The following ASMTL variants were observed in gnomAD, a reference collection of about 807,000 sequenced individuals.
ASMTL encodes probable bifunctional dTTP/UTP pyrophosphatase/methyltransferase protein.
Under a neutral mutation model 60.3 loss-of-function variants are expected in ASMTL, and 57 were observed. The ratio of observed to expected loss-of-function variants is 0.95; its 90% confidence interval spans 0.76 to 1.18. ASMTL has a LOEUF of 1.18. Ranked by LOEUF, ASMTL falls within the 50% of genes most tolerant of loss-of-function variation. The pLI, the probability that ASMTL is intolerant of heterozygous loss-of-function variation, is 0.00. For synonymous variants in ASMTL, 419 were observed against 373.0 expected (o/e 1.12, Z -1.42); for missense variants, 981 against 852.6 (o/e 1.15, Z -1.88).
intron 1 of ASMTL, among the ~76,000 whole-genome samples, chrX:1,445,825 T>C (rs2091218905): frequency 6.6e-6 from 1 of 152,142 alleles, no homozygotes; most frequent in Admixed American, 6.6e-5. Context: ...AGCCAGGCCA[T>C]ACAGAGATAG....
At chrX:1,451,563 A>T (rs1317261356) in intron 1 of ASMTL, among the ~76,000 whole-genome samples, 4 of 119,396 alleles carry the variant, frequency 3.4e-5, no homozygotes, top group Non-Finnish European at 6.9e-5. Context: ...TCCCATCCCC[A>T]TTCCTAGGGG....
intron 11 of ASMTL, among the ~76,000 whole-genome samples, chrX:1,417,539 G>GCACA (rs1569532293): frequency 1.2e-5 from 1 of 86,894 alleles, no homozygotes; most frequent in African/African-American, 3.8e-5. Flanking sequence ...ACACACACAT[G>GCACA]CACACAGACA....
intron 12 of ASMTL, among the ~76,000 whole-genome samples, chrX:1,404,811 T>C (rs1426891606): frequency 5.3e-5 from 8 of 151,522 alleles, no homozygotes; most frequent in Non-Finnish European, 1.0e-4. Flanking sequence ...ATGAGATGGA[T>C]GGATGGGTGA....
chrX:1,421,815 A>G lies in ASMTL; in HGVS notation c.1088T>C (p.Val363Ala). The change falls in exon 9 of 13, where the codon GTC becomes GCC. Residue 363 changes from valine to alanine, a missense_variant. Coordinates refer to ENST00000381317, the MANE Select transcript of ASMTL (RefSeq NM_004192.4). ...GTATTCGCCATCCGATGCCAGGTAG[A>G]CGTTCGCTGTCTCTGTGTTACTGTA... ...QGYSNTETAN[V>A]YLASDGEYSL... 1 of 1,613,808 alleles carries G rather than the reference A, an allele frequency of 6.2e-7. No homozygotes were observed. The highest frequency in any genetic ancestry group is 1.1e-5 in the South Asian group (1 of 91,068).
At chrX:1,431,661 G>A (rs746323108) in intron 6 of ASMTL, among the ~76,000 whole-genome samples, 1 of 144,798 alleles carries the variant, frequency 6.9e-6, no homozygotes, top group African/African-American at 2.5e-5. Context: ...GTATAATGTA[G>A]ATTATATATA....
intron 6 of ASMTL, among the ~76,000 whole-genome samples, chrX:1,430,174 C>A (rs1339263379): frequency 1.3e-5 from 2 of 151,994 alleles, no homozygotes; most frequent in African/African-American, 4.8e-5. Context: ...GCCACCACAC[C>A]GGGCTAATTT....
chrX:1,420,025 C>T (rs1454753119), intron 9 of ASMTL, among the ~76,000 whole-genome samples: 1 of 68,484 alleles, frequency 1.5e-5, no homozygotes, highest in Non-Finnish European at 3.7e-5. Flanking sequence ...TTCTTTCTAT[C>T]TCCCTCTGTC....
At chrX:1,418,426 G>C (rs761482062) in intron 10 of ASMTL, among the ~76,000 whole-genome samples, 210 of 152,148 alleles carry the variant, frequency 1.4e-3, no homozygotes, top group Non-Finnish European at 2.4e-3. Flanking sequence ...GCCACGTGTA[G>C]GGGGCACAGA....
At chrX:1,419,526 G>A (rs2090415222) in intron 9 of ASMTL, among the ~76,000 whole-genome samples, 2 of 152,112 alleles carry the variant, frequency 1.3e-5, no homozygotes, top group South Asian at 4.1e-4. Context: ...CAATGGTGCG[G>A]TGTGCAGAGG....
Position 1,438,054 on chromosome X carries a change from T to C in ASMTL, c.273+1043A>G, listed in dbSNP as rs771031551. 3.3e-4 allele frequency among the ~76,000 whole-genome samples: 50 copies of C among 150,992 alleles called. 1 individual carries two copies. In the East Asian group the frequency reaches 8.4e-3, roughly 25 times the overall value. ...CTGTCATCCCAGCACTGTGGGAGGC[T>C]AAGGTGGGCAGATCACTTGAGGTCG... On this transcript the variant is annotated intron_variant, in intron 3 of 12. Coordinates refer to ENST00000381317, the MANE Select transcript of ASMTL (RefSeq NM_004192.4).
chrX:1,451,613 C>CCT, intron 1 of ASMTL, among the ~76,000 whole-genome samples: 2 of 140,180 alleles, frequency 1.4e-5, no homozygotes, highest in South Asian at 2.4e-4. Flanking sequence ...CTAGGGGTTT[C>CCT]GGGTCACTCT....
chrX:1,424,761 C>T (rs1204103325), intron 8 of ASMTL, among the ~76,000 whole-genome samples: 1 of 150,894 alleles, frequency 6.6e-6, no homozygotes, highest in Non-Finnish European at 1.5e-5. Context: ...TATCCACTCA[C>T]CCACTCATCC....
intron 1 of ASMTL, among the ~76,000 whole-genome samples, chrX:1,442,964 A>G (rs2091138840): frequency 6.7e-6 from 1 of 150,096 alleles, no homozygotes; most frequent in South Asian, 2.1e-4. Context: ...CCCTCTGACC[A>G]TCTCCCCTCT....
At chrX:1,415,131 G>C (rs1248593305) in intron 11 of ASMTL, among the ~76,000 whole-genome samples, 1 of 152,068 alleles carries the variant, frequency 6.6e-6, no homozygotes, top group African/African-American at 2.4e-5. Flanking sequence ...AGTAGAGATG[G>C]GGTTTCACCA....
chrX:1,419,990 CTCTG>C (rs1346317390), intron 9 of ASMTL, among the ~76,000 whole-genome samples: 2 of 151,876 alleles, frequency 1.3e-5, no homozygotes, highest in Admixed American at 6.6e-5. Flanking sequence ...CTTTCTCTCT[CTCTG>C]TTTCTGTCTC....
chrX:1,425,560 C>G lies in ASMTL; in HGVS notation c.1025G>C (p.Cys342Ser). The change falls in exon 8 of 13, where the codon TGT becomes TCT. Residue 342 changes from cysteine to serine, a missense_variant. Transcript: ENST00000381317. The stretch of plus-strand genomic sequence containing the variant: ...CTTCTCCAGGAGCCCCATGGCAGCA[C>G]AGATGTCCAGAAGCCTCTCCATTCC... The part of the protein sequence containing the change: ...ACGMERLLDI[C>S]AAMGLLEKTE... 1.2e-6 allele frequency: 2 copies of G among 1,613,466 alleles called. No individual in the cohort carries two copies. The highest frequency in any genetic ancestry group is 1.1e-5 in the South Asian group (1 of 91,072).
chrX:1,436,647 C>A (rs1249064588), intron 3 of ASMTL, among the ~76,000 whole-genome samples: 1 of 152,312 alleles, frequency 6.6e-6, no homozygotes, highest in East Asian at 1.9e-4. Context: ...CCACCGCACC[C>A]GGCCAGCCTC....
intron 5 of ASMTL, 43 bp from the exon 6 acceptor site, chrX:1,432,420 G>C (rs1197478148): frequency 6.7e-6 from 10 of 1,487,574 alleles, no homozygotes; most frequent in Non-Finnish European, 9.3e-6. Flanking sequence ...ACGCCAGCTT[G>C]TCACCTCCGT....
chrX:1,426,366 C>G (rs1397412412), intron 7 of ASMTL, among the ~76,000 whole-genome samples: 1 of 152,134 alleles, frequency 6.6e-6, no homozygotes, highest in Non-Finnish European at 1.5e-5. Context: ...ACTGCATGTT[C>G]TCTCTCCTGA....
Sources: gnomAD v4.1 joint callset for allele counts (sites outside exome capture counted in the v4.1 genomes callset) on GRCh38, gnomAD v4.1.1 for gene constraint, MANE v1.5 for transcripts, NCBI Gene and HGNC (gene_info 2026-07-23, HGNC 2026-07-21) for gene names.